SF3B2: variants seen among roughly 807,000 people sequenced by gnomAD.
SF3B2 encodes SAP 145.
In SF3B2, 22 loss-of-function variants were observed where a neutral mutation model predicts 116.3. The observed-to-expected ratio is 0.19, with a 90% CI of 0.14 to 0.27. SF3B2 has a LOEUF of 0.27. Among genes scored for constraint, SF3B2 ranks in the 10% least tolerant of loss-of-function variants. SF3B2 has a pLI of 1.00. For missense variants in SF3B2, 767 were observed against 1,151.4 expected, an observed-to-expected ratio of 0.67 and a Z score of 4.83; for synonymous variants, 406 against 421.6, an observed-to-expected ratio of 0.96 and a Z score of 0.45.
intron 2 of SF3B2, 109 bp downstream of exon 2, chr11:66,052,828 G>T: frequency 7.4e-7 from 1 of 1,347,564 alleles, no homozygotes; most frequent in Non-Finnish European, 1.0e-6. Context: ...ACAGCAAGGC[G>T]GAGGCTTGCC....
chr11:66,058,974 T>C lies in SF3B2; in HGVS notation c.1111T>C (p.Tyr371His). The change falls in exon 10 of 22, where the codon TAT becomes CAT. Residue 371 changes from tyrosine to histidine, a missense_variant. Tyr to His is a moderately conservative substitution (Grantham distance 83, BLOSUM62 2). Around this residue, in one of 4 missense-constraint regions of SF3B2, gnomAD observed 455 missense variants for 537.5 expected, o/e 0.85. Coordinates refer to ENST00000322535, the MANE Select transcript of SF3B2 (RefSeq NM_006842.3). ...DSPAADVEIE[Y>H]VTEEPEIYEP... ...CCCAGCAGCTGATGTTGAGATTGAGTATGTGACTGAAGAACCTGAAATTTA... is the reference window on the plus strand; with the variant it reads ...CCCAGCAGCTGATGTTGAGATTGAGCATGTGACTGAAGAACCTGAAATTTA... The C allele has an allele frequency of 6.2e-7, 1 of 1,613,942 alleles. No homozygotes were observed. Among genetic ancestry groups the C allele is most frequent in the East Asian group, 2.2e-5 (1 of 44,870 alleles).
In SF3B2 at chr11:66,058,889, G is replaced by C. The variant is rs770954707; in HGVS notation, c.1026G>C (p.Val342=). The change falls in exon 10 of 22, where the codon GTG becomes GTC. Residue 342 remains valine (V), a synonymous_variant. Transcript: ENST00000322535. The stretch of plus-strand genomic sequence containing the variant: ...AAAAGCCCCAGCGGGTGCGAGGGGT[G>C]TCCTCTGAGAGCTCTGGGGACCGGG... The part of the protein sequence containing the change: ...KKKKPQRVRG[V]SSESSGDREK... 22 of 1,614,024 alleles carry C rather than the reference G, an allele frequency of 1.4e-5. No individual in the cohort carries two copies. The highest frequency in any genetic ancestry group is 1.7e-5 in the Non-Finnish European group (20 of 1,180,032).
chr11:66,055,053 T>A (rs756596551), intron 3 of SF3B2, 23 bp from the exon 4 acceptor site: 2 of 1,498,722 alleles, frequency 1.3e-6, no homozygotes, highest in Non-Finnish European at 1.8e-6. Flanking sequence ...CTTCCTAGTT[T>A]TATGATCATA....
rs746881973 is a variant in SF3B2, at chr11:66,052,417, A to G, written c.33A>G (p.Ala11=). The change falls in exon 1 of 22, where the codon GCA becomes GCG. Residue 11 remains alanine, a synonymous_variant. Coordinates refer to ENST00000322535, the MANE Select transcript of SF3B2 (RefSeq NM_006842.3). MATEHPEPPK[A]ELQLPPPPPP... is the part of the protein sequence containing the mutation. Reference sequence around the variant, plus strand: ...CGGAGCATCCCGAGCCTCCCAAAGCAGAATTGCAGCTGCCGCCGCCGCCAC... The same window carrying G: ...CGGAGCATCCCGAGCCTCCCAAAGCGGAATTGCAGCTGCCGCCGCCGCCAC... The G allele has an allele frequency of 8.1e-6, 13 of 1,612,876 alleles. No individual in the cohort carries two copies. Among genetic ancestry groups the G allele is most frequent in the African/African-American group, 4.0e-5 (3 of 74,904 alleles).
At chr11:66,067,385 T>A (rs766308812) in intron 19 of SF3B2, 3 of 456,274 alleles carry the variant, frequency 6.6e-6, no homozygotes, top group South Asian at 4.6e-5. Flanking sequence ...TTTCTCTGGC[T>A]CCTGTGTGGA....
intron 5 of SF3B2, 196 bp downstream of exon 5, chr11:66,055,781 G>A: frequency 1.9e-6 from 1 of 538,144 alleles, no homozygotes; most frequent in Non-Finnish European, 3.2e-6. Context: ...CATGTGTATG[G>A]CCTATGAGCT....
intron 9 of SF3B2, 33 bp downstream of exon 9, chr11:66,058,438 C>T: frequency 6.5e-7 from 1 of 1,528,966 alleles, no homozygotes; most frequent in Non-Finnish European, 9.1e-7. Flanking sequence ...GAAGGAAAGC[C>T]AGGAGATGGG....
intron 3 of SF3B2, among the ~76,000 whole-genome samples, chr11:66,054,866 T>C (rs1856964151): frequency 6.6e-6 from 1 of 152,190 alleles, no homozygotes; most frequent in African/African-American, 2.4e-5. Context: ...AGGATATCTT[T>C]TTGGAGAGAG....
intron 3 of SF3B2, among the ~76,000 whole-genome samples, chr11:66,054,359 C>T (rs537992368): frequency 1.3e-5 from 2 of 152,042 alleles, no homozygotes; most frequent in Non-Finnish European, 2.9e-5. Context: ...TGCCTGTAAT[C>T]CCAGCTACTT....
At chr11:66,053,714 G>A (rs1484984622) in intron 3 of SF3B2, 1 of 152,926 alleles carries the variant, frequency 6.5e-6, no homozygotes, top group African/African-American at 2.4e-5. Context: ...GATGGGGGAG[G>A]GGCTGGGAGA....
Position 66,057,257 on chromosome 11 carries a change from G to T in SF3B2, c.668-9G>T, listed in dbSNP as rs575508105. ...TTCTGACATTGGATTTCTTTTTCCC[G>T]TCTCTTAGTAGCTGCTCCAGTGGGC... On this transcript the variant is annotated splice_polypyrimidine_tract_variant and intron_variant, in intron 6 of 21. Transcript: ENST00000322535. The T allele has an allele frequency of 2.0e-6, 3 of 1,533,886 alleles. No individual in the cohort carries two copies. The highest frequency in any genetic ancestry group is 2.7e-6 in the Non-Finnish European group (3 of 1,106,764).
chr11:66,064,818 C>T (rs1358123794), intron 19 of SF3B2: 1 of 152,086 alleles, frequency 6.6e-6, no homozygotes, highest in Non-Finnish European at 1.5e-5. Context: ...CCCATTTCTA[C>T]AAAATATTAA....
chr11:66,054,387 G>GA lies in SF3B2; in HGVS notation c.259-687dup, dbSNP rs201350594. On this transcript the variant is annotated intron_variant, in intron 3 of 21. Transcript: ENST00000322535. ...AGCTACTTGGGAGGCTGAGGCACGA[G>GA]AATTGCTTGAACCTGGAAAGCGGAG... Among the ~76,000 whole-genome samples the GA allele has an allele frequency of 2.0e-3, 308 of 151,580 alleles. 4 individuals carry two copies. The highest frequency in any genetic ancestry group is 7.0e-3 in the African/African-American group (287 of 41,292).
chr11:66,059,150 A>G lies in SF3B2; in HGVS notation c.1183-51A>G. The G allele has an allele frequency of 1.2e-6, 2 of 1,612,886 alleles. No homozygotes were observed. The highest frequency in any genetic ancestry group is 1.7e-6 in the Non-Finnish European group (2 of 1,179,418). On this transcript the variant is annotated intron_variant, in intron 10 of 21. Transcript: ENST00000322535. The surrounding 1 kb of genome is among the most constrained non-coding windows in gnomAD (Gnocchi z 5.0). ...GGCATCTTTTAGTGCTGGCCTTAGG[A>G]ACTGGGAAGGGGCTCAGAGGGCAGG...
intron 14 of SF3B2, 40 bp downstream of exon 14, chr11:66,060,771 G>A (rs776469537): frequency 2.2e-5 from 35 of 1,600,578 alleles, no homozygotes; most frequent in Non-Finnish European, 2.9e-5. Flanking sequence ...TGGGCCTTGG[G>A]GTTGAGACTG....
intron 19 of SF3B2, 144 bp downstream of exon 19, chr11:66,063,873 G>A (rs1163524548): frequency 5.3e-6 from 3 of 567,116 alleles, no homozygotes; most frequent in Non-Finnish European, 9.0e-6. Flanking sequence ...GCAGTGAGGA[G>A]TCAGCAGTTG....
chr11:66,057,025 A>G (rs1444711355), intron 6 of SF3B2, 70 bp downstream of exon 6: 5 of 1,171,874 alleles, frequency 4.3e-6, no homozygotes, highest in Admixed American at 1.7e-5. Context: ...CTTTTAAGGT[A>G]TCTATCACAT....
Position 66,056,972 on chromosome 11 carries a change from G to T in SF3B2, c.667+17G>T. ...GTCCTCGAGGTGAGACCCTGGAACCGAGGGGAAGGGCAAGGAAGGTGATTT... is the reference window on the plus strand; with the variant it reads ...GTCCTCGAGGTGAGACCCTGGAACCTAGGGGAAGGGCAAGGAAGGTGATTT... On this transcript the variant is annotated intron_variant, in intron 6 of 21. Transcript: ENST00000322535. The T allele has an allele frequency of 1.3e-6, 2 of 1,560,344 alleles. No homozygotes were observed. The highest frequency in any genetic ancestry group is 4.5e-5 in the East Asian group (2 of 44,632).
chr11:66,053,122 T>A lies in SF3B2; in HGVS notation c.258+18T>A, dbSNP rs774526627. The A allele has an allele frequency of 1.2e-6, 2 of 1,607,474 alleles. No individual in the cohort carries two copies. Among genetic ancestry groups the A allele is most frequent in the Non-Finnish European group, 1.7e-6 (2 of 1,174,672 alleles). On this transcript the variant is annotated intron_variant, in intron 3 of 21. Transcript: ENST00000322535. ...CGGCACAGGTAGGGAGATTCTTCTG[T>A]TTTTTAAGATTCCATCTGCTGATCC...
Sources: gnomAD v4.1 joint callset for allele counts (sites outside exome capture counted in the v4.1 genomes callset) on GRCh38, gnomAD v4.1.1 for gene constraint, gnomAD v4.1.1 regional missense constraint, Gnocchi (gnomAD v3.1) non-coding constraint, MANE v1.5 for transcripts, NCBI Gene and HGNC (gene_info 2026-07-23, HGNC 2026-07-21) for gene names.